Variants in NR6A1 observed in about 807,000 individuals in gnomAD.
NR6A1 encodes retinoic acid receptor-related testis-associated receptor.
Under a neutral mutation model 59.1 loss-of-function variants are expected in NR6A1, and 7 were observed. That is an observed-to-expected ratio of 0.12 (90% CI 0.07 to 0.22). NR6A1 has a LOEUF of 0.22. NR6A1 is among the 10% of genes least tolerant of loss of function. The probability of loss-of-function intolerance (pLI) is 1.00; values close to 1 mark genes in which losing one functional copy is unlikely to be tolerated. For missense variants in NR6A1, 468 were observed against 611.6 expected (o/e 0.77, Z 2.48); for synonymous variants, 243 against 236.1 (o/e 1.03, Z -0.27).
intron 1 of NR6A1, among the ~76,000 whole-genome samples, chr9:124,761,823 A>T (rs1588862538): frequency 6.6e-6 from 1 of 152,226 alleles, no homozygotes; most frequent in East Asian, 1.9e-4. Flanking sequence ...ATGTAAGTCT[A>T]CCCTTGGTGA....
chr9:124,653,779 C>T (rs1042990643), intron 2 of NR6A1, among the ~76,000 whole-genome samples: 1 of 152,178 alleles, frequency 6.6e-6, no homozygotes. Flanking sequence ...ATTAACCCTA[C>T]TAGAGTCAGA....
chr9:124,650,824 A>T (rs1023679301), intron 2 of NR6A1, among the ~76,000 whole-genome samples: 1 of 152,234 alleles, frequency 6.6e-6, no homozygotes, highest in Non-Finnish European at 1.5e-5. Context: ...GGAAGAAATT[A>T]TACCAATTCT....
At position 124,746,950 on chromosome 9, in the gene NR6A1, G is replaced by C. The variant is rs546586844; in HGVS notation, c.101-13601C>G. On this transcript the variant is annotated intron_variant, in intron 1 of 9. Transcript: ENST00000487099. ...GACTTTTGAAGTAAATGCCCTAATGGAGACATTAACAGCAGTGGTCACACT... is the reference window on the plus strand; with the variant it reads ...GACTTTTGAAGTAAATGCCCTAATGCAGACATTAACAGCAGTGGTCACACT... 1.1e-3 allele frequency among the ~76,000 whole-genome samples: 173 copies of C among 152,254 alleles called. 1 individual carries two copies. Among genetic ancestry groups the C allele is most frequent in the African/African-American group, 3.8e-3 (157 of 41,534 alleles).
intron 3 of NR6A1, among the ~76,000 whole-genome samples, chr9:124,547,465 A>G (rs1833632588): frequency 6.6e-6 from 1 of 152,148 alleles, no homozygotes. Flanking sequence ...GTCTTTAAAC[A>G]TGCTATTCTG....
intron 3 of NR6A1, among the ~76,000 whole-genome samples, chr9:124,551,160 C>G (rs1588659419): frequency 6.6e-6 from 1 of 152,220 alleles, no homozygotes; most frequent in East Asian, 1.9e-4. Flanking sequence ...AGTCCTCATT[C>G]CTTTCATTGA....
chr9:124,696,150 G>C (rs1172860342), intron 2 of NR6A1, among the ~76,000 whole-genome samples: 3 of 152,190 alleles, frequency 2.0e-5, no homozygotes, highest in African/African-American at 7.2e-5. Flanking sequence ...AGAAGGACTT[G>C]TGAGCAAGGC....
At chr9:124,578,775 C>T (rs73669207) in intron 2 of NR6A1, among the ~76,000 whole-genome samples, 32 of 152,310 alleles carry the variant, frequency 2.1e-4, no homozygotes, top group African/African-American at 7.5e-4. Flanking sequence ...AAACCTAGGG[C>T]CTACATATAG....
chr9:124,762,817 T>C (rs1473427532), intron 1 of NR6A1, among the ~76,000 whole-genome samples: 1 of 152,200 alleles, frequency 6.6e-6, no homozygotes, highest in African/African-American at 2.4e-5. Flanking sequence ...AAAATCATAT[T>C]TATTTCATCA....
intron 1 of NR6A1, among the ~76,000 whole-genome samples, chr9:124,749,961 T>C (rs1359167354): frequency 2.0e-5 from 3 of 152,196 alleles, no homozygotes; most frequent in Admixed American, 1.3e-4. Context: ...CTGTTCTGAG[T>C]TTAACAATCT....
chr9:124,588,393 T>C (rs1002711058), intron 2 of NR6A1, among the ~76,000 whole-genome samples: 2 of 151,808 alleles, frequency 1.3e-5, no homozygotes, highest in Non-Finnish European at 2.9e-5. Context: ...CTGCAAGCTC[T>C]GCCTTCCGGG....
chr9:124,526,238 A>G (rs1243269256), intron 8 of NR6A1, among the ~76,000 whole-genome samples: 2 of 152,062 alleles, frequency 1.3e-5, no homozygotes, highest in African/African-American at 4.8e-5. Flanking sequence ...CATAAATCAC[A>G]TCTGGCATTC....
intron 2 of NR6A1, among the ~76,000 whole-genome samples, chr9:124,690,958 C>T (rs1463670213): frequency 1.3e-5 from 2 of 152,154 alleles, no homozygotes; most frequent in Non-Finnish European, 2.9e-5. Flanking sequence ...CTGTGAAAAG[C>T]ATTCTTTTTA....
intron 2 of NR6A1, among the ~76,000 whole-genome samples, chr9:124,611,894 T>C (rs1289915538): frequency 6.6e-6 from 1 of 152,190 alleles, no homozygotes; most frequent in African/African-American, 2.4e-5. Flanking sequence ...CAAGATCTTA[T>C]CCTTGAAGAG....
chr9:124,557,705 G>C (rs993857958), intron 2 of NR6A1, among the ~76,000 whole-genome samples: 1 of 152,174 alleles, frequency 6.6e-6, no homozygotes, highest in African/African-American at 2.4e-5. Flanking sequence ...CTATGTTTGA[G>C]ATGGGATTTC....
At chr9:124,652,714 C>G (rs1837141841) in intron 2 of NR6A1, among the ~76,000 whole-genome samples, 1 of 152,222 alleles carries the variant, frequency 6.6e-6, no homozygotes, top group South Asian at 2.1e-4. Context: ...AGCATGAACT[C>G]CAAGTCACAT....
chr9:124,680,090 ATGTGTGTGTGTGTGTGTG>A (rs57251719), intron 2 of NR6A1, among the ~76,000 whole-genome samples: 1 of 143,164 alleles, frequency 7.0e-6, no homozygotes, highest in East Asian at 2.0e-4. Context: ...GTGTGTATGT[ATGTGTGTGTGTGTGTGTG>A]TGTGTGTGTG....
intron 1 of NR6A1, among the ~76,000 whole-genome samples, chr9:124,740,280 A>AG (rs1253355831): frequency 6.6e-6 from 1 of 152,230 alleles, no homozygotes; most frequent in East Asian, 1.9e-4. Flanking sequence ...AGTCTGAGTT[A>AG]GGCACTACAA....
chr9:124,690,097 A>T (rs545460780), intron 2 of NR6A1, among the ~76,000 whole-genome samples: 2 of 152,282 alleles, frequency 1.3e-5, no homozygotes, highest in Admixed American at 1.3e-4. Context: ...ATTTATCCTC[A>T]CGGCTAGCAG....
chr9:124,574,982 G>A (rs1206033853), intron 2 of NR6A1, among the ~76,000 whole-genome samples: 2 of 152,142 alleles, frequency 1.3e-5, no homozygotes, highest in African/African-American at 4.8e-5. Flanking sequence ...TGCTAAGCTG[G>A]CTGATTCACA....
Sources: gnomAD v4.1 joint callset for allele counts (sites outside exome capture counted in the v4.1 genomes callset) on GRCh38, gnomAD v4.1.1 for gene constraint, MANE v1.5 for transcripts, NCBI Gene and HGNC (gene_info 2026-07-23, HGNC 2026-07-21) for gene names.